Variants in ENOX1 observed in about 807,000 individuals in gnomAD.
ENOX1 encodes the protein candidate growth-related and time keeping constitutive hydroquinone (NADH) oxidase.
In ENOX1, 42 loss-of-function variants were observed where a neutral mutation model predicts 82.5. The ratio of observed to expected loss-of-function variants is 0.51; its 90% CI spans 0.40 to 0.66. ENOX1 has a LOEUF of 0.66. ENOX1 is among the 30% of genes least tolerant of loss of function. ENOX1 has a pLI of 0.00. For synonymous variants in ENOX1, 271 were observed against 282.2 expected (o/e 0.96, Z 0.40); for missense variants, 608 against 811.6 (o/e 0.75, Z 3.05).
chr13:43,269,603 T>G, intron 12 of ENOX1, 26 bp from the exon 13 acceptor site: 1 of 1,563,928 alleles, frequency 6.4e-7, no homozygotes, highest in Non-Finnish European at 8.8e-7. Flanking sequence ...ATATTTAGCA[T>G]AAGTAGGATT....
intron 1 of ENOX1, among the ~76,000 whole-genome samples, chr13:43,727,568 T>C (rs77413508): frequency 0.053 from 8,065 of 152,170 alleles, 209 homozygotes; most frequent in African/African-American, 0.077. Context: ...AGTCCATGTA[T>C]GGTTGCTGTT....
chr13:43,262,350 G>A (rs1349831986), intron 14 of ENOX1, among the ~76,000 whole-genome samples: 1 of 152,136 alleles, frequency 6.6e-6, no homozygotes, highest in Non-Finnish European at 1.5e-5. Flanking sequence ...GTTGGCACCA[G>A]TCCACTGTAT....
At chr13:43,784,459 A>C (rs1053357141) in intron 1 of ENOX1, among the ~76,000 whole-genome samples, 1 of 152,264 alleles carries the variant, frequency 6.6e-6, no homozygotes, top group Non-Finnish European at 1.5e-5. Flanking sequence ...TTATATAAAA[A>C]TGATAATAAT....
At chr13:43,322,307 C>A in intron 11 of ENOX1, 77 bp downstream of exon 11, 1 of 1,081,876 alleles carries the variant, frequency 9.2e-7, no homozygotes, top group Non-Finnish European at 1.4e-6. Context: ...AGTTATAGGG[C>A]CATTTACTTA....
rs71099830 is a variant in ENOX1 at position 43,338,676 on chromosome 13, G to GTTTT, written c.1036+5858_1036+5861dup. On this transcript the variant is annotated intron_variant, in intron 9 of 16. Transcript: ENST00000690772. ...CCATACTCCCCAAAATTCAGGTTGG[G>GTTTT]TTTTTTTTTTTTTTTTTTTTTTTTT... Among the ~76,000 whole-genome samples the GTTTT allele has an allele frequency of 4.6e-4, 37 of 81,268 alleles. 2 individuals carry two copies. Among genetic ancestry groups the GTTTT allele is most frequent in the African/African-American group, 9.1e-4 (17 of 18,626 alleles). 53.3% of individuals were successfully genotyped at this position (81,268 alleles called of 152,430 possible). A position where few individuals can be genotyped will look rare whatever the true frequency, so the allele number is the denominator to read the frequency against.
intron 8 of ENOX1, among the ~76,000 whole-genome samples, chr13:43,349,596 G>A (rs570783525): frequency 6.6e-6 from 1 of 152,260 alleles, no homozygotes; most frequent in East Asian, 1.9e-4. Context: ...TCTAAGACCA[G>A]GTGCAGGAGC....
chr13:43,624,542 T>C (rs1227373692), intron 2 of ENOX1, among the ~76,000 whole-genome samples: 1 of 152,254 alleles, frequency 6.6e-6, no homozygotes, highest in East Asian at 1.9e-4. Flanking sequence ...TCACATTAAG[T>C]CCATAATCCA....
At chr13:43,360,111 G>T in intron 6 of ENOX1, 54 bp from the exon 7 acceptor site, 1 of 1,531,362 alleles carries the variant, frequency 6.5e-7, no homozygotes, top group Non-Finnish European at 9.0e-7. Flanking sequence ...TGCTTTCTCT[G>T]GTTCTCCTGG....
intron 9 of ENOX1, among the ~76,000 whole-genome samples, chr13:43,334,338 C>A (rs2048577985): frequency 6.6e-6 from 1 of 152,192 alleles, no homozygotes; most frequent in Admixed American, 6.5e-5. Context: ...TGTCCAACTT[C>A]AAATCATGTA....
intron 2 of ENOX1, among the ~76,000 whole-genome samples, chr13:43,521,115 G>T (rs748827834): frequency 6.6e-6 from 1 of 152,120 alleles, no homozygotes; most frequent in African/African-American, 2.4e-5. Context: ...CTTATTTGGA[G>T]CTGTGTGAAA....
chr13:43,499,706 A>C (rs750331939), intron 2 of ENOX1, among the ~76,000 whole-genome samples: 6 of 152,108 alleles, frequency 3.9e-5, no homozygotes, highest in Non-Finnish European at 8.8e-5. Flanking sequence ...GATCACAAAG[A>C]ATCAGGAAAA....
chr13:43,678,378 T>C (rs1453039656), intron 1 of ENOX1, among the ~76,000 whole-genome samples: 1 of 152,240 alleles, frequency 6.6e-6, no homozygotes, highest in Non-Finnish European at 1.5e-5. Context: ...GTCTTTATTA[T>C]GTAACATAGT....
chr13:43,448,363 T>C (rs1594669679), intron 3 of ENOX1, among the ~76,000 whole-genome samples: 1 of 152,338 alleles, frequency 6.6e-6, no homozygotes, highest in East Asian at 1.9e-4. Flanking sequence ...ATATTGTCAA[T>C]GGTTTAATTT....
At chr13:43,248,735 G>A (rs1483353392) in intron 14 of ENOX1, among the ~76,000 whole-genome samples, 1 of 151,652 alleles carries the variant, frequency 6.6e-6, no homozygotes, top group Non-Finnish European at 1.5e-5. Flanking sequence ...AATATACAAA[G>A]TAAAGATTAA....
intron 3 of ENOX1, among the ~76,000 whole-genome samples, chr13:43,416,238 A>T (rs761634947): frequency 9.4e-4 from 70 of 74,374 alleles, no homozygotes; most frequent in Non-Finnish European, 1.3e-3. Flanking sequence ...TTCCCAGATG[A>T]TGGGTGGCCG....
At chr13:43,744,617 A>G (rs904608394) in intron 1 of ENOX1, among the ~76,000 whole-genome samples, 3 of 152,198 alleles carry the variant, frequency 2.0e-5, no homozygotes, top group Non-Finnish European at 2.9e-5. Flanking sequence ...ATAAAAGACT[A>G]CTTGCTTCAA....
chr13:43,541,173 G>GTTTTTTGTTTTTTT (rs2078697495), intron 2 of ENOX1, among the ~76,000 whole-genome samples: 3 of 64,574 alleles, frequency 4.6e-5, no homozygotes, highest in Non-Finnish European at 3.2e-5. Context: ...TCTTCCCTCT[G>GTTTTTTGTTTTTTT]TTTTTTTTTT....
intron 2 of ENOX1, among the ~76,000 whole-genome samples, chr13:43,494,378 T>G (rs1163382997): frequency 1.3e-5 from 2 of 152,152 alleles, no homozygotes; most frequent in Non-Finnish European, 2.9e-5. Context: ...GTACATCATG[T>G]TTGCAAACAA....
chr13:43,763,540 G>A (rs1951106239), intron 1 of ENOX1, among the ~76,000 whole-genome samples: 1 of 152,102 alleles, frequency 6.6e-6, no homozygotes, highest in African/African-American at 2.4e-5. Flanking sequence ...GAGCTACGAG[G>A]ACTCTATTCA....
Sources: allele counts gnomAD v4.1 joint callset (sites outside exome capture counted in the v4.1 genomes callset), GRCh38; gene constraint gnomAD v4.1.1; transcripts MANE v1.5; gene names NCBI Gene and HGNC (gene_info 2026-07-23, HGNC 2026-07-21).